The following DAB1 variants were observed in gnomAD, a reference collection of about 807,000 sequenced individuals.
DAB1 encodes the protein DAB adaptor protein 1, also known as disabled homolog 1.
A neutral mutation model predicts 64.6 loss-of-function variants in DAB1; 15 were observed. That is an observed-to-expected ratio of 0.23 (90% CI 0.16 to 0.36). DAB1 has a LOEUF of 0.36. Ranked by LOEUF, DAB1 falls within the 10% of genes least tolerant of loss-of-function variation. DAB1 has a pLI of 1.00. For synonymous variants in DAB1, 235 were observed against 251.9 expected (o/e 0.93, Z 0.64); for missense variants, 596 against 706.7 (o/e 0.84, Z 1.78).
At chr1:58,508,662 G>A (rs1247519864) in intron 2 of DAB1, among the ~76,000 whole-genome samples, 1 of 152,080 alleles carries the variant, frequency 6.6e-6, no homozygotes, top group African/African-American at 2.4e-5. Context: ...CCTAGGAACT[G>A]GCTTCTGTCT....
chr1:57,470,468 T>C (rs1687098350), intron 7 of DAB1, among the ~76,000 whole-genome samples: 1 of 152,242 alleles, frequency 6.6e-6, no homozygotes, highest in South Asian at 2.1e-4. Context: ...ACACAATTGC[T>C]ACAGTAGTAA....
intron 2 of DAB1, among the ~76,000 whole-genome samples, chr1:57,196,411 G>A (rs543827197): frequency 6.6e-6 from 1 of 152,266 alleles, no homozygotes; most frequent in South Asian, 2.1e-4. Context: ...CCATCATGTA[G>A]CAGGAGATGA....
chr1:58,033,354 T>G (rs879760891), intron 5 of DAB1, among the ~76,000 whole-genome samples: 13 of 152,182 alleles, frequency 8.5e-5, no homozygotes, highest in Admixed American at 7.9e-4. Context: ...CCCACTTATC[T>G]GATACCAGCC....
chr1:57,127,228 C>T (rs1232994901), intron 4 of DAB1, among the ~76,000 whole-genome samples: 3 of 152,080 alleles, frequency 2.0e-5, no homozygotes, highest in Non-Finnish European at 2.9e-5. Flanking sequence ...AAGCAATCAG[C>T]CATCTAAATA....
rs148747407 is a variant in DAB1 at position 58,199,330 on chromosome 1, A to G, written n.310-48742T>C. ...TCAGTCAGGTTTCTTAAAACTTCCA[A>G]TAAGAAGAGCTCTAGTTTATATATT... is the stretch of plus-strand genomic sequence containing the variant. On this transcript the variant is annotated intron_variant and non_coding_transcript_variant, in intron 4 of 20. Transcript: ENST00000485760. Among the ~76,000 whole-genome samples, 391 of 152,330 alleles carry G rather than the reference A, an allele frequency of 2.6e-3. 3 individuals are homozygous for G. Among genetic ancestry groups the G allele is most frequent in the African/African-American group, 9.1e-3 (380 of 41,570 alleles).
rs1171216853 is a variant in DAB1, at chr1:57,178,646, GA to G, written c.68-33218del. ...GAGGGGAAGAAGTAATTATGATTGG[GA>G]AGAGACATGGGGAAAATCCAGGCTG... On this transcript the variant is annotated intron_variant, in intron 2 of 14. Transcript: ENST00000371236. Among the ~76,000 whole-genome samples the G allele has an allele frequency of 3.9e-5, 6 of 152,278 alleles. No individual in the cohort carries two copies. In the East Asian group the frequency reaches 1.2e-3, roughly 29 times the overall value.
chr1:57,745,650 A>G (rs1648228255), intron 6 of DAB1, among the ~76,000 whole-genome samples: 1 of 152,232 alleles, frequency 6.6e-6, no homozygotes, highest in African/African-American at 2.4e-5. Flanking sequence ...TATAAAAATT[A>G]CCAAAAATGC....
Position 57,692,109 on chromosome 1 carries a change from G to A in DAB1, n.552-42444C>T, listed in dbSNP as rs114765340. ...TCCTGACAAGTTGATTGACCCCGTG[G>A]CCACAAGCAGAAGTCTCAAAGTCAC... On this transcript the variant is annotated intron_variant and non_coding_transcript_variant, in intron 6 of 20. Transcript: ENST00000485760. Among the ~76,000 whole-genome samples, 1,310 of 152,054 alleles carry A rather than the reference G, an allele frequency of 8.6e-3. 17 individuals are homozygous for A. The highest frequency in any genetic ancestry group is 0.03 in the African/African-American group (1,251 of 41,464).
intron 4 of DAB1, among the ~76,000 whole-genome samples, chr1:58,259,128 C>A (rs1660996503): frequency 6.6e-6 from 1 of 152,146 alleles, no homozygotes; most frequent in Non-Finnish European, 1.5e-5. Context: ...AAATTATTAG[C>A]TTTCTTTCTA....
At chr1:58,003,850 G>T (rs148657932) in intron 5 of DAB1, among the ~76,000 whole-genome samples, 1 of 152,290 alleles carries the variant, frequency 6.6e-6, no homozygotes, top group East Asian at 1.9e-4. Context: ...GTCCAGTTTT[G>T]CTCTGCCTGG....
intron 5 of DAB1, among the ~76,000 whole-genome samples, chr1:57,902,061 G>A (rs12409950): frequency 0.019 from 2,847 of 151,920 alleles, 119 homozygotes; most frequent in Admixed American, 0.11. Flanking sequence ...GGAGGCTGGG[G>A]TGGGAGGATC....
At chr1:57,944,746 G>A (rs1645159038) in intron 5 of DAB1, among the ~76,000 whole-genome samples, 1 of 152,186 alleles carries the variant, frequency 6.6e-6, no homozygotes, top group South Asian at 2.1e-4. Flanking sequence ...ACCTCGGCAA[G>A]CTGCTCCAAA....
At chr1:57,191,912 G>T (rs1664155173) in intron 2 of DAB1, among the ~76,000 whole-genome samples, 1 of 152,088 alleles carries the variant, frequency 6.6e-6, no homozygotes, top group Non-Finnish European at 1.5e-5. Context: ...GAATAGGATG[G>T]ATGTGAAATT....
chr1:57,930,153 T>A (rs1044090465), intron 5 of DAB1, among the ~76,000 whole-genome samples: 1 of 152,212 alleles, frequency 6.6e-6, no homozygotes, highest in Non-Finnish European at 1.5e-5. Context: ...AAAAAGACTA[T>A]CTTTTCTCCA....
chr1:58,493,871 C>G (rs9662224), intron 3 of DAB1, among the ~76,000 whole-genome samples: 8,099 of 151,292 alleles, frequency 0.054, 278 homozygotes, highest in African/African-American at 0.082. Context: ...CAATGCCATC[C>G]CCATCAAGCT....
chr1:58,438,369 T>C (rs946172591), intron 3 of DAB1, among the ~76,000 whole-genome samples: 5 of 152,244 alleles, frequency 3.3e-5, no homozygotes, highest in African/African-American at 1.2e-4. Context: ...TCTGGGGAAA[T>C]GGCATTTAGC....
intron 4 of DAB1, among the ~76,000 whole-genome samples, chr1:58,172,393 T>C (rs980253085): frequency 6.6e-5 from 10 of 152,270 alleles, no homozygotes; most frequent in African/African-American, 2.4e-4. Flanking sequence ...ATCAAAATAA[T>C]ACAAGGAAAG....
intron 6 of DAB1, among the ~76,000 whole-genome samples, chr1:57,670,444 G>A (rs1425063197): frequency 6.6e-6 from 1 of 152,108 alleles, no homozygotes; most frequent in East Asian, 1.9e-4. Flanking sequence ...GCTCTACCTT[G>A]TTCAAGCTAC....
intron 4 of DAB1, among the ~76,000 whole-genome samples, chr1:58,252,449 A>G (rs1660826379): frequency 6.6e-6 from 1 of 152,224 alleles, no homozygotes; most frequent in African/African-American, 2.4e-5. Context: ...AGCACTCAAG[A>G]TATAAAAATA....
Sources: allele counts gnomAD v4.1 joint callset (sites outside exome capture counted in the v4.1 genomes callset), GRCh38; gene constraint gnomAD v4.1.1; transcripts MANE v1.5; gene names NCBI Gene and HGNC (gene_info 2026-07-23, HGNC 2026-07-21).